The following PLEKHA5 variants were observed in gnomAD, a reference collection of about 807,000 sequenced individuals.
PLEKHA5 encodes pleckstrin homology domain containing A5, also known as pleckstrin homology domain-containing family A member 5.
PLEKHA5 carries 55 observed loss-of-function variants against 181.9 expected under a neutral mutation model. That is an observed-to-expected ratio of 0.30 (90% CI 0.24 to 0.38). PLEKHA5 has a LOEUF of 0.38. PLEKHA5 is among the 10% of genes least tolerant of loss of function. The pLI is 1.00. For missense variants in PLEKHA5, 1,432 were observed against 1,549.5 expected (o/e 0.92, Z 1.27); for synonymous variants, 535 against 529.4 (o/e 1.01, Z -0.15).
chr12:19,228,688 C>A (rs1403225064), intron 3 of PLEKHA5, among the ~76,000 whole-genome samples: 1 of 152,168 alleles, frequency 6.6e-6, no homozygotes, highest in Non-Finnish European at 1.5e-5. Context: ...TGTGCAGTAG[C>A]ATATCTAATA....
At chr12:19,273,383 G>A (rs2073613285) in intron 10 of PLEKHA5, among the ~76,000 whole-genome samples, 1 of 150,074 alleles carries the variant, frequency 6.7e-6, no homozygotes, top group African/African-American at 2.5e-5. Context: ...TTTTTCCTTG[G>A]TGACCATATT....
chr12:19,360,795 G>A (rs938086120), intron 28 of PLEKHA5, among the ~76,000 whole-genome samples: 3 of 151,410 alleles, frequency 2.0e-5, no homozygotes, highest in East Asian at 1.9e-4. Flanking sequence ...TGACCCTGTC[G>A]CCCAGGCTGG....
chr12:19,212,260 G>T (rs1457729434), intron 3 of PLEKHA5, among the ~76,000 whole-genome samples: 2 of 152,104 alleles, frequency 1.3e-5, no homozygotes, highest in South Asian at 2.1e-4. Flanking sequence ...CTGCCCTCCA[G>T]CCTGGGAGAC....
intron 3 of PLEKHA5, among the ~76,000 whole-genome samples, chr12:19,205,718 A>T (rs1425519350): frequency 6.6e-6 from 1 of 152,088 alleles, no homozygotes; most frequent in Non-Finnish European, 1.5e-5. Flanking sequence ...TGTTTTGAAT[A>T]ATGCTGGCGG....
chr12:19,271,375 C>T (rs1041068401), intron 10 of PLEKHA5, among the ~76,000 whole-genome samples: 2 of 152,076 alleles, frequency 1.3e-5, no homozygotes, highest in African/African-American at 4.8e-5. Flanking sequence ...CGTAGTACCA[C>T]ACTCTTGTAG....
intron 30 of PLEKHA5, among the ~76,000 whole-genome samples, chr12:19,368,531 G>A (rs944125365): frequency 3.6e-4 from 55 of 152,106 alleles, no homozygotes; most frequent in African/African-American, 1.2e-3. Context: ...AGTGGCTCAC[G>A]CCTATAATCC....
At chr12:19,234,952 C>A (rs1219643212) in intron 3 of PLEKHA5, among the ~76,000 whole-genome samples, 1 of 151,968 alleles carries the variant, frequency 6.6e-6, no homozygotes, top group Non-Finnish European at 1.5e-5. Flanking sequence ...TTAAAGGGGG[C>A]TGTCGTTGGC....
At chr12:19,264,489 G>A (rs1261722555) in intron 7 of PLEKHA5, among the ~76,000 whole-genome samples, 1 of 152,106 alleles carries the variant, frequency 6.6e-6, no homozygotes. Flanking sequence ...TTCAAAATTA[G>A]GGTTTGACTT....
chr12:19,157,737 G>A (rs1438051630), intron 3 of PLEKHA5, among the ~76,000 whole-genome samples: 1 of 152,104 alleles, frequency 6.6e-6, no homozygotes, highest in Non-Finnish European at 1.5e-5. Context: ...ACCTTACAGG[G>A]CTGGCAGAGC....
intron 15 of PLEKHA5, among the ~76,000 whole-genome samples, chr12:19,296,197 G>A (rs914552507): frequency 6.7e-6 from 1 of 150,322 alleles, no homozygotes; most frequent in Non-Finnish European, 1.5e-5. Flanking sequence ...CCAAGATCAC[G>A]CCACTGCACT....
At chr12:19,151,710 T>TA (rs2040427227) in intron 3 of PLEKHA5, 1 of 152,106 alleles carries the variant, frequency 6.6e-6, no homozygotes, top group Non-Finnish European at 1.5e-5. Context: ...TGGAAAACAT[T>TA]AATGATATAT....
chr12:19,294,337 G>A (rs751159964), intron 15 of PLEKHA5, among the ~76,000 whole-genome samples: 21 of 152,126 alleles, frequency 1.4e-4, no homozygotes, highest in African/African-American at 3.9e-4. Context: ...TGCCAGTAGC[G>A]TAACATTTTA....
Position 19,348,436 on chromosome 12 carries a change from TAAC to T in PLEKHA5, c.2941_2943del (p.Thr981del). On this transcript the variant is annotated inframe_deletion, in exon 25 of 32. Coordinates refer to ENST00000429027, the MANE Select transcript of PLEKHA5 (RefSeq NM_001256470.2). The stretch of plus-strand genomic sequence containing the variant: ...AGACTCTACAAGAGTGAACCAGAGT[TAAC>T]AACAGTGGCAGAAGTTGATGAATCT... The T allele has an allele frequency of 6.3e-7, 1 of 1,585,344 alleles. No individual in the cohort carries two copies. Among genetic ancestry groups the T allele is most frequent in the Non-Finnish European group, 8.6e-7 (1 of 1,167,474 alleles).
intron 20 of PLEKHA5, among the ~76,000 whole-genome samples, chr12:19,336,018 T>C (rs1449216805): frequency 6.6e-6 from 1 of 152,172 alleles, no homozygotes; most frequent in African/African-American, 2.4e-5. Flanking sequence ...ATCTTCTCTG[T>C]GATATTATTG....
At chr12:19,306,683 A>G (rs11044486) in intron 15 of PLEKHA5, 53,822 of 1,465,822 alleles carry the variant, frequency 0.037, 2,928 homozygotes, top group East Asian at 0.21. Flanking sequence ...AGCTCTGAGC[A>G]GATGCGGACT....
intron 3 of PLEKHA5, among the ~76,000 whole-genome samples, chr12:19,140,293 A>T (rs777910229): frequency 2.6e-5 from 4 of 152,144 alleles, no homozygotes; most frequent in Non-Finnish European, 5.9e-5. Flanking sequence ...GAAAACAAGG[A>T]AATATATTAC....
At chr12:19,213,877 T>C (rs1738369095) in intron 3 of PLEKHA5, among the ~76,000 whole-genome samples, 1 of 152,152 alleles carries the variant, frequency 6.6e-6, no homozygotes, top group South Asian at 2.1e-4. Context: ...GGAATGAAGA[T>C]TGGACCTTTT....
intron 3 of PLEKHA5, among the ~76,000 whole-genome samples, chr12:19,164,360 A>G (rs2043773110): frequency 1.3e-5 from 2 of 151,614 alleles, no homozygotes; most frequent in Admixed American, 1.3e-4. Flanking sequence ...CACCACAGCT[A>G]ATTTTTGTAT....
chr12:19,309,076 AAAG>A (rs2085354905), intron 15 of PLEKHA5, among the ~76,000 whole-genome samples: 1 of 152,038 alleles, frequency 6.6e-6, no homozygotes, highest in African/African-American at 2.4e-5. Flanking sequence ...AAAAAGAAAA[AAAG>A]AGAAAAGAAA....
Sources: allele counts gnomAD v4.1 joint callset (sites outside exome capture counted in the v4.1 genomes callset), GRCh38; gene constraint gnomAD v4.1.1; transcripts MANE v1.5; gene names NCBI Gene and HGNC (gene_info 2026-07-23, HGNC 2026-07-21).